The following TNS4 variants were observed in gnomAD, a reference collection of about 807,000 sequenced individuals.
The protein encoded by TNS4 is tensin 4, also known as tensin-4.
TNS4 carries 46 observed loss-of-function variants against 70.4 expected under a neutral mutation model. That is an observed-to-expected ratio of 0.65 (90% CI 0.52 to 0.84). The LOEUF is 0.84. Among genes scored for constraint, TNS4 ranks in the 40% least tolerant of loss-of-function variants. The pLI is 0.00. For synonymous variants in TNS4, 390 were observed against 366.6 expected, an observed-to-expected ratio of 1.06 and a Z score of -0.73; for missense variants, 863 against 907.0, an observed-to-expected ratio of 0.95 and a Z score of 0.62.
chr17:40,484,661 T>C, intron 5 of TNS4, 52 bp from the exon 6 acceptor site: 1 of 1,604,760 alleles, frequency 6.2e-7, no homozygotes, highest in Non-Finnish European at 8.5e-7. Flanking sequence ...GGACACCCTG[T>C]CCCCAGCCCC....
In TNS4 at chr17:40,482,221, G is replaced by A. The variant is rs574131575; in HGVS notation, c.1595-15C>T. 6 of 1,614,178 alleles carry A rather than the reference G, an allele frequency of 3.7e-6. No individual in the cohort carries two copies. In the East Asian group the frequency reaches 1.1e-4, roughly 30 times the overall value. ...AGAGAGGCTCCCTGAAAGGAAGCAAGCAGCCCTGCATGAGTAGAGCTTCCC... is the reference window on the plus strand; with the variant it reads ...AGAGAGGCTCCCTGAAAGGAAGCAAACAGCCCTGCATGAGTAGAGCTTCCC... On this transcript the variant is annotated splice_polypyrimidine_tract_variant and intron_variant, in intron 7 of 12. Transcript: ENST00000254051.
chr17:40,496,210 C>A lies in TNS4; in HGVS notation c.216G>T (p.Val72=). ...PPGRLQQAPQ[V]EAKATCFLPS... The stretch of plus-strand genomic sequence containing the variant: ...GCAGGAAGCAGGTGGCTTTGGCCTC[C>A]ACCTGTGGGGCTTGCTGGAGTCGGC... Residue 72 remains valine, a synonymous_variant, in exon 2 of 13, where the codon GTG becomes GTT. Transcript: ENST00000254051. 1 of 1,602,866 alleles carries A rather than the reference C, an allele frequency of 6.2e-7. No individual in the cohort carries two copies.
intron 1 of TNS4, among the ~76,000 whole-genome samples, chr17:40,501,273 C>T (rs895072018): frequency 5.9e-5 from 9 of 152,040 alleles, no homozygotes; most frequent in African/African-American, 2.2e-4. Flanking sequence ...ATGGTGAAAC[C>T]GCGTCTCTAC....
At chr17:40,497,786 T>A (rs1366832904) in intron 1 of TNS4, among the ~76,000 whole-genome samples, 1 of 152,122 alleles carries the variant, frequency 6.6e-6, no homozygotes, top group African/African-American at 2.4e-5. Context: ...CAGGCTGGGC[T>A]CAGGACTGCC....
intron 4 of TNS4, 57 bp from the exon 5 acceptor site, chr17:40,485,064 T>C (rs1017598324): frequency 4.0e-6 from 6 of 1,496,694 alleles, no homozygotes; most frequent in Non-Finnish European, 5.6e-6. Flanking sequence ...AGCTGAGGGA[T>C]GTTCACCAGA....
At chr17:40,477,956 G>A in intron 12 of TNS4, 1 of 604,554 alleles carries the variant, frequency 1.7e-6, no homozygotes, top group Non-Finnish European at 2.9e-6. Flanking sequence ...TTTGTTTTGA[G>A]TGAGGGCTCC....
rs2036025944 is a variant in TNS4, at chr17:40,488,754, C to G, written c.655G>C (p.Glu219Gln). ...RGHQRPLPPSEGLSPRPPNSP... is the reference protein window; with the variant it reads ...RGHQRPLPPSQGLSPRPPNSP... ...TTTGGGGGTCGAGGGGAGAGACCCTCTGAGGGGGGCAGAGGGCGCTGGTGC... is the reference window on the plus strand; with the variant it reads ...TTTGGGGGTCGAGGGGAGAGACCCTGTGAGGGGGGCAGAGGGCGCTGGTGC... Residue 219 changes from glutamate (E) to glutamine (Q), a missense_variant, in exon 3 of 13, where the codon GAG becomes CAG. Glu to Gln is a conservative substitution (Grantham distance 29, BLOSUM62 2). Transcript: ENST00000254051. 6.2e-7 allele frequency: 1 copy of G among 1,604,052 alleles called. No individual in the cohort carries two copies. Among genetic ancestry groups the G allele is most frequent in the East Asian group, 2.2e-5 (1 of 44,714 alleles).
At chr17:40,500,114 C>A (rs558419410) in intron 1 of TNS4, among the ~76,000 whole-genome samples, 2 of 152,312 alleles carry the variant, frequency 1.3e-5, no homozygotes, top group African/African-American at 4.8e-5. Flanking sequence ...GGTCATACAA[C>A]CCCAACTGTG....
chr17:40,480,703 C>G lies in TNS4; in HGVS notation c.1738G>C (p.Ala580Pro). ...CCTCCCTTCCTGTACCACTCACCCG[C>G]AGATTTCTTCTGGCAGGAGGCTGGG... is the stretch of plus-strand genomic sequence containing the variant. ...DSPASCQKKS[A>P]GCHTLYLSSV... The change falls in exon 9 of 13, where the codon GCG becomes CCG. Residue 580 changes from alanine (A) to proline (P), a missense_variant. Ala to Pro is a conservative substitution (Grantham distance 27). Transcript: ENST00000254051. 6.4e-7 allele frequency: 1 copy of G among 1,558,882 alleles called. No individual in the cohort carries two copies. Among genetic ancestry groups the G allele is most frequent in the Non-Finnish European group, 8.6e-7 (1 of 1,157,080 alleles).
chr17:40,477,405 G>T lies in TNS4; in HGVS notation c.*183C>A, dbSNP rs574926146. 1.7e-5 allele frequency: 11 copies of T among 658,844 alleles called. 1 individual carries two copies. The East Asian group carries it at 2.4e-4, about 14-fold the overall frequency. The allele number at this position is 658,844 out of a possible 1,614,324, so 40.8% of individuals were successfully genotyped here. A position where few individuals can be genotyped will look rare whatever the true frequency, so the allele number is the denominator to read the frequency against. On this transcript the variant is annotated 3_prime_UTR_variant, in exon 13 of 13. Transcript: ENST00000254051. ...GATTGAGGAAACTGAGGCCCGGGGG[G>T]TCTGGATGATGGTGACTGCTGAAGG...
At position 40,478,564 on chromosome 17, in the gene TNS4, C is replaced by T. The variant is rs764615491; in HGVS notation, c.1979+16G>A. The T allele has an allele frequency of 3.7e-6, 6 of 1,613,972 alleles. No individual in the cohort carries two copies. Among genetic ancestry groups the T allele is most frequent in the South Asian group, 3.3e-5 (3 of 91,072 alleles). ...CCCTGGACAGCCTTCTTAGTTTGGC[C>T]CAGCCTTGAACTTACTTCCGTTGCT... On this transcript the variant is annotated intron_variant, in intron 11 of 12. Coordinates refer to ENST00000254051, the MANE Select transcript of TNS4 (RefSeq NM_032865.6).
chr17:40,484,900 G>T lies in TNS4; in HGVS notation c.1375+21C>A, dbSNP rs1167309203. ...TGCAAGACCCAGACCCTATTCTGGG[G>T]TCACTCGTGCTTCCTTTTACCTTGC... On this transcript the variant is annotated intron_variant, in intron 5 of 12. Transcript: ENST00000254051. 6 of 1,612,904 alleles carry T rather than the reference G, an allele frequency of 3.7e-6. No individual in the cohort carries two copies. The South Asian group carries it at 5.5e-5, about 15-fold the overall frequency.
rs1335086171 is a variant in TNS4 at position 40,482,112 on chromosome 17, T to C, written c.1672+17A>G. Reference sequence around the variant, plus strand: ...GGTCCCCCACCTTGGCATTGCCTCTTTGGGGCCCAGACCCACCTCTCTGTG... The same window carrying C: ...GGTCCCCCACCTTGGCATTGCCTCTCTGGGGCCCAGACCCACCTCTCTGTG... On this transcript the variant is annotated intron_variant, in intron 8 of 12. Transcript: ENST00000254051. 1 of 1,613,442 alleles carries C rather than the reference T, an allele frequency of 6.2e-7. No homozygotes were observed. The highest frequency in any genetic ancestry group is 8.5e-7 in the Non-Finnish European group (1 of 1,179,628).
chr17:40,488,651 G>A lies in TNS4; in HGVS notation c.758C>T (p.Ser253Phe). The A allele has an allele frequency of 6.4e-7, 1 of 1,553,406 alleles. No homozygotes were observed. Reference sequence around the variant, plus strand: ...TCCCAGCCGCTTCTCCAGTCTTGGAGAAGCCACCAGCGGGGAGCCCAAACC... The same window carrying A: ...TCCCAGCCGCTTCTCCAGTCTTGGAAAAGCCACCAGCGGGGAGCCCAAACC... ...PHGLGSPLVA[S>F]PRLEKRLGGL... Residue 253 changes from serine (S) to phenylalanine (F), a missense_variant, in exon 3 of 13, where the codon TCT becomes TTT. Transcript: ENST00000254051.
chr17:40,482,737 T>C (rs35539439), intron 6 of TNS4, among the ~76,000 whole-genome samples: 97,099 of 150,960 alleles, frequency 0.64, 32,096 homozygotes, highest in African/African-American at 0.75. Flanking sequence ...GAGATTGTGC[T>C]ACTGCACTCC....
chr17:40,483,731 T>A (rs992649570), intron 6 of TNS4, among the ~76,000 whole-genome samples: 1 of 152,198 alleles, frequency 6.6e-6, no homozygotes, highest in African/African-American at 2.4e-5. Context: ...CACTTTCTTA[T>A]TGTGACAGTG....
intron 2 of TNS4, among the ~76,000 whole-genome samples, chr17:40,492,209 C>G (rs2036081120): frequency 6.6e-6 from 1 of 152,180 alleles, no homozygotes; most frequent in African/African-American, 2.4e-5. Context: ...GGACAGTGGC[C>G]TATGGAGCCC....
At chr17:40,488,236 G>A (rs182568428) in intron 3 of TNS4, among the ~76,000 whole-genome samples, 47 of 152,128 alleles carry the variant, frequency 3.1e-4, no homozygotes, top group Non-Finnish European at 1.6e-4. Flanking sequence ...CCTGTGTTTT[G>A]GGGTTTAAAA....
At chr17:40,494,344 G>A (rs1190070220) in intron 2 of TNS4, among the ~76,000 whole-genome samples, 2 of 152,248 alleles carry the variant, frequency 1.3e-5, no homozygotes, top group Non-Finnish European at 2.9e-5. Flanking sequence ...AGTGAAGCAA[G>A]CAGCTTGTGA....
Sources: allele counts gnomAD v4.1 joint callset (sites outside exome capture counted in the v4.1 genomes callset), GRCh38; gene constraint gnomAD v4.1.1; transcripts MANE v1.5; gene names NCBI Gene and HGNC (gene_info 2026-07-23, HGNC 2026-07-21).